PSG3: variants seen among roughly 807,000 people sequenced by gnomAD.
PSG3 encodes pregnancy-specific beta-1-glycoprotein 3.
Under a neutral mutation model 47.5 loss-of-function variants are expected in PSG3, and 61 were observed. The observed-to-expected ratio is 1.28, with a 90% CI of 1.05 to 1.59. PSG3 has a LOEUF of 1.59. PSG3 is among the 40% of genes most tolerant of loss of function. The pLI, the probability that PSG3 is intolerant of heterozygous loss-of-function variation, is 0.00. For synonymous variants in PSG3, 263 were observed against 198.4 expected (o/e 1.33, Z -2.74); for missense variants, 756 against 524.0 (o/e 1.44, Z -4.32).
At chr19:42,728,064 A>G (rs1010266716) in intron 5 of PSG3, among the ~76,000 whole-genome samples, 11 of 152,196 alleles carry the variant, frequency 7.2e-5, no homozygotes, top group African/African-American at 2.4e-4. Flanking sequence ...AGATAGTTAG[A>G]ATAGCCAGTT....
chr19:42,729,141 T>A lies in PSG3; in HGVS notation c.1225A>T (p.Met409Leu), dbSNP rs570717542. 1.2e-6 allele frequency: 2 copies of A among 1,613,970 alleles called. No homozygotes were observed. The highest frequency in any genetic ancestry group is 2.2e-5 in the East Asian group (1 of 44,880). The change falls in exon 5 of 7, where the codon ATG becomes TTG. Residue 409 changes from methionine to leucine, a missense_variant. By Grantham distance (15) the Met-to-Leu change is conservative. Transcript: ENST00000327495. ...CACTTACCAGAGACTTTGACTGTCA[T>A]GGATTTGGAGCTTTCCATGCCAGTG... ...SATGMESSKS[M>L]TVKVSAPSGT...
chr19:42,733,252 C>T (rs979485209), intron 2 of PSG3, 190 bp from the exon 3 acceptor site: 22 of 1,264,898 alleles, frequency 1.7e-5, no homozygotes, highest in African/African-American at 6.1e-5. Context: ...CTGCCTGCTT[C>T]GTGTGGGAGA....
Position 42,721,711 on chromosome 19 carries a change from C to T in PSG3, c.*420G>A. ...CCTGAATAGTTTCCCAATTCTGGGG[C>T]ACTTAGGGAGCAAAAGCAAATGTTT... On this transcript the variant is annotated 3_prime_UTR_variant, in exon 7 of 7. Transcript: ENST00000327495. 5.5e-6 allele frequency: 2 copies of T among 363,032 alleles called. No homozygotes were observed. The highest frequency in any genetic ancestry group is 4.9e-6 in the Non-Finnish European group (1 of 203,178). The allele number at this position is 363,032 out of a possible 1,614,324, so 22.5% of individuals were successfully genotyped here. A position where few individuals can be genotyped will look rare whatever the true frequency, so the allele number is the denominator to read the frequency against.
At chr19:42,730,985 T>C (rs1190453664) in intron 3 of PSG3, among the ~76,000 whole-genome samples, 1 of 152,188 alleles carries the variant, frequency 6.6e-6, no homozygotes, top group Non-Finnish European at 1.5e-5. Context: ...GTTTTGCAAA[T>C]ATTTTCTTTC....
At chr19:42,733,517 A>C (rs942240328) in intron 2 of PSG3, 13 of 184,218 alleles carry the variant, frequency 7.1e-5, no homozygotes, top group Non-Finnish European at 1.5e-4. Context: ...TGGAACTTCC[A>C]ATTGTCTTTA....
chr19:42,737,125 C>T (rs1235326250), intron 2 of PSG3, among the ~76,000 whole-genome samples: 2 of 152,052 alleles, frequency 1.3e-5, no homozygotes, highest in Non-Finnish European at 2.9e-5. Context: ...GCCCCCAGTT[C>T]CACAGTCCAG....
Position 42,728,494 on chromosome 19 carries a change from T to G in PSG3, c.1243+629A>C, listed in dbSNP as rs541127681. Among the ~76,000 whole-genome samples the G allele has an allele frequency of 1.1e-4, 17 of 152,240 alleles. No individual in the cohort carries two copies. The South Asian group carries it at 3.3e-3, about 30-fold the overall frequency. ...CCCTGAGGCTCCCTCTCTTTTTGTT[T>G]CCCTGCAGCCTGGCCCGGGGGAGGC... On this transcript the variant is annotated intron_variant, in intron 5 of 6. Transcript: ENST00000327495.
At chr19:42,737,747 G>A (rs774547310) in intron 2 of PSG3, among the ~76,000 whole-genome samples, 1 of 152,170 alleles carries the variant, frequency 6.6e-6, no homozygotes, top group African/African-American at 2.4e-5. Flanking sequence ...CACACCTCAT[G>A]TGACCCTGAT....
intron 1 of PSG3, chr19:42,739,590 C>T (rs1326889525): frequency 6.0e-6 from 1 of 165,496 alleles, no homozygotes; most frequent in Non-Finnish European, 1.3e-5. Flanking sequence ...CTTTTGTGAT[C>T]TTCTTTGCAC....
chr19:42,724,017 C>T lies in PSG3; in HGVS notation c.1252G>A (p.Gly418Arg), dbSNP rs1244733986. 2 of 1,611,506 alleles carry T rather than the reference C, an allele frequency of 1.2e-6. No individual in the cohort carries two copies. The highest frequency in any genetic ancestry group is 2.2e-5 in the South Asian group (2 of 91,010). ...SMTVKVSAPS[G>R]TGHLPGLNPL ...TTAAGGCCAGGAAGATGTCCTGTTC[C>T]TGAAGGAGCTGTCATGGAAAAAAAA... The change falls in exon 6 of 7, where the codon GGA becomes AGA. Residue 418 changes from glycine to arginine, a missense_variant. Gly to Arg is a moderately radical substitution (Grantham distance 125). Transcript: ENST00000327495.
At chr19:42,735,506 A>G (rs1268437905) in intron 2 of PSG3, among the ~76,000 whole-genome samples, 5 of 152,076 alleles carry the variant, frequency 3.3e-5, no homozygotes, top group African/African-American at 4.8e-5. Context: ...AGCTGGGACT[A>G]CAAGCGCCTG....
chr19:42,731,944 C>G (rs1969478978), intron 3 of PSG3: 1 of 151,224 alleles, frequency 6.6e-6, no homozygotes, highest in South Asian at 2.1e-4. Flanking sequence ...AGTGTATAGT[C>G]TAAAGAATGA....
Position 42,721,872 on chromosome 19 carries a change from C to T in PSG3, c.*259G>A. ...AAAACATTGTTTTGACTATTTAGTC[C>T]AATAAAATTGGGTTTTTTTCTTTGT... On this transcript the variant is annotated 3_prime_UTR_variant, in exon 7 of 7. Coordinates refer to ENST00000327495, the MANE Select transcript of PSG3 (RefSeq NM_021016.4). 1 of 414,622 alleles carries T rather than the reference C, an allele frequency of 2.4e-6. No homozygotes were observed. The highest frequency in any genetic ancestry group is 3.6e-5 in the East Asian group (1 of 27,918). The allele number at this position is 414,622 out of a possible 1,614,324, so 25.7% of individuals were successfully genotyped here.
At chr19:42,727,358 T>A (rs1368241117) in intron 5 of PSG3, among the ~76,000 whole-genome samples, 9 of 149,464 alleles carry the variant, frequency 6.0e-5, no homozygotes, top group African/African-American at 2.1e-4. Context: ...GCAAATTATA[T>A]GTGTGATAAG....
In PSG3 at chr19:42,740,443, C is replaced by T. The variant is rs567890810; in HGVS notation, c.-59G>A. The T allele has an allele frequency of 2.0e-4, 322 of 1,613,436 alleles. No individual in the cohort carries two copies. The highest frequency in any genetic ancestry group is 2.6e-4 in the Non-Finnish European group (308 of 1,179,748). On this transcript the variant is annotated 5_prime_UTR_variant, in exon 1 of 7. Coordinates refer to ENST00000327495, the MANE Select transcript of PSG3 (RefSeq NM_021016.4). ...GCTGAGCCTAGGATCCAGAAACTTCCTGAGCATGGCTCTCAGCTGTGCTGT... is the reference window on the plus strand; with the variant it reads ...GCTGAGCCTAGGATCCAGAAACTTCTTGAGCATGGCTCTCAGCTGTGCTGT...
Position 42,729,921 on chromosome 19 carries a change from A to C in PSG3, c.845T>G (p.Val282Gly). 6.2e-7 allele frequency: 1 copy of C among 1,612,118 alleles called. No homozygotes were observed. The highest frequency in any genetic ancestry group is 8.5e-7 in the Non-Finnish European group (1 of 1,179,848). The change falls in exon 4 of 7, where the codon GTC becomes GGC. Residue 282 changes from valine to glycine, a missense_variant. Val to Gly is a moderately radical substitution (Grantham distance 109, BLOSUM62 -3). Transcript: ENST00000327495. ...IWWLNGQSLP[V>G]SPRVKRPIEN... The stretch of plus-strand genomic sequence containing the variant: ...AATGGGTCGCTTTACCCTGGGACTG[A>C]CCGGGAGGCTCTGACCATTTAGCCA...
chr19:42,726,916 G>T (rs1430546167), intron 5 of PSG3, among the ~76,000 whole-genome samples: 1 of 152,166 alleles, frequency 6.6e-6, no homozygotes, highest in African/African-American at 2.4e-5. Context: ...ATACACTGTG[G>T]TACTGGCATA....
Position 42,732,863 on chromosome 19 carries a change from G to C in PSG3, c.630C>G (p.Tyr210Ter), listed in dbSNP as rs760729029. The C allele has an allele frequency of 6.2e-7, 1 of 1,614,016 alleles. No individual in the cohort carries two copies. The highest frequency in any genetic ancestry group is 2.2e-5 in the East Asian group (1 of 44,896). The part of the protein sequence containing the change: ...RTLFLFGVTK[Y>*]TAGPYECEIR... Reference sequence around the variant, plus strand: ...TTTCACATTCATAGGGTCCTGCAGTGTACTTTGTGACACCAAATAGAAAGA... The same window carrying C: ...TTTCACATTCATAGGGTCCTGCAGTCTACTTTGTGACACCAAATAGAAAGA... The change falls in exon 3 of 7, where the codon TAC becomes TAG. Residue 210 changes from tyrosine (Y) to a stop codon, truncating the protein, a stop_gained. Coordinates refer to ENST00000327495, the MANE Select transcript of PSG3 (RefSeq NM_021016.4). LOFTEE classifies it high-confidence loss of function.
In PSG3 at chr19:42,724,000, A is replaced by C. The variant is rs747304389; in HGVS notation, c.1269T>G (p.Pro423=). The C allele has an allele frequency of 5.6e-6, 9 of 1,611,984 alleles. No individual in the cohort carries two copies. The highest frequency in any genetic ancestry group is 5.0e-5 in the Admixed American group (3 of 60,008). Residue 423 remains proline (P), a synonymous_variant, in exon 6 of 7, where the codon CCT becomes CCG. Transcript: ENST00000327495. ...VSAPSGTGHL[P]GLNPL is the part of the protein sequence containing the mutation. Reference sequence around the variant, plus strand: ...ACGGCTGCTATAATGGATTAAGGCCAGGAAGATGTCCTGTTCCTGAAGGAG... The same window carrying C: ...ACGGCTGCTATAATGGATTAAGGCCCGGAAGATGTCCTGTTCCTGAAGGAG...
Sources: allele counts gnomAD v4.1 joint callset (sites outside exome capture counted in the v4.1 genomes callset), GRCh38; gene constraint gnomAD v4.1.1; transcripts MANE v1.5; gene names NCBI Gene and HGNC (gene_info 2026-07-23, HGNC 2026-07-21).